The following FAM114A2 variants were observed in gnomAD, a reference collection of about 807,000 sequenced individuals.
The protein encoded by FAM114A2 is family with sequence similarity 114 member A2.
A neutral mutation model predicts 58.4 loss-of-function variants in FAM114A2; 53 were observed. The observed-to-expected ratio is 0.91, with a 90% CI of 0.73 to 1.14. The LOEUF (loss-of-function observed/expected upper bound fraction) is 1.14, where lower values mean the gene tolerates loss of function less well. Ranked by LOEUF, FAM114A2 falls within the 50% of genes most tolerant of loss-of-function variation. The pLI is 0.00. For synonymous variants in FAM114A2, 228 were observed against 211.4 expected, an observed-to-expected ratio of 1.08 and a Z score of -0.68; for missense variants, 601 against 581.1, an observed-to-expected ratio of 1.03 and a Z score of -0.35.
chr5:154,003,329 C>A (rs1461309027), intron 9 of FAM114A2, among the ~76,000 whole-genome samples: 1 of 152,004 alleles, frequency 6.6e-6, no homozygotes, highest in East Asian at 1.9e-4. Context: ...CAGGCGCCCA[C>A]CACCACGCCC....
At chr5:154,011,135 C>G in intron 9 of FAM114A2, 106 bp downstream of exon 9, 1 of 827,724 alleles carries the variant, frequency 1.2e-6, no homozygotes, top group East Asian at 2.5e-5. Flanking sequence ...GAGAATATAC[C>G]TTCGATTTTG....
chr5:154,020,404 G>A (rs939419819), intron 8 of FAM114A2, among the ~76,000 whole-genome samples: 13 of 151,816 alleles, frequency 8.6e-5, no homozygotes, highest in African/African-American at 2.9e-4. Flanking sequence ...CACCATTAGC[G>A]AGACTAACAA....
chr5:154,031,312 C>CAAAAAAAAAAAAA (rs59757780), intron 4 of FAM114A2, among the ~76,000 whole-genome samples: 5,303 of 46,988 alleles, frequency 0.11, 1,550 homozygotes, highest in African/African-American at 0.25. Flanking sequence ...ACTCCCTCTC[C>CAAAAAAAAAAAAA]AAAAAAAAAA....
intron 7 of FAM114A2, among the ~76,000 whole-genome samples, chr5:154,026,910 G>C (rs1771820375): frequency 6.7e-6 from 1 of 149,166 alleles, no homozygotes; most frequent in Non-Finnish European, 1.5e-5. Flanking sequence ...CCAAAACGAA[G>C]GAAAAATAAC....
At chr5:154,038,543 C>T (rs1050939839) in intron 1 of FAM114A2, 1 of 152,202 alleles carries the variant, frequency 6.6e-6, no homozygotes, top group Non-Finnish European at 1.5e-5. Context: ...GGTTTGTATC[C>T]TATCGTTATT....
chr5:154,024,673 A>G (rs574516961), intron 8 of FAM114A2, among the ~76,000 whole-genome samples: 199 of 152,298 alleles, frequency 1.3e-3, no homozygotes, highest in African/African-American at 4.5e-3. Flanking sequence ...CTTAAAAATT[A>G]GTTGCAATGA....
intron 12 of FAM114A2, among the ~76,000 whole-genome samples, chr5:153,996,516 T>G (rs1224861120): frequency 1.3e-5 from 2 of 151,058 alleles, no homozygotes; most frequent in Non-Finnish European, 2.9e-5. Context: ...CTCATGGACT[T>G]GGAGAAATAC....
chr5:153,994,999 G>A (rs748993793), intron 12 of FAM114A2, 27 bp from the exon 13 acceptor site: 8 of 1,529,124 alleles, frequency 5.2e-6, no homozygotes, highest in South Asian at 1.1e-5. Context: ...ATTTTTAAGT[G>A]AGCAGAGTAG....
intron 8 of FAM114A2, among the ~76,000 whole-genome samples, chr5:154,013,365 T>G (rs1257514307): frequency 6.6e-6 from 1 of 152,160 alleles, no homozygotes; most frequent in Non-Finnish European, 1.5e-5. Context: ...CCAGAACCAG[T>G]TTCTATGGTA....
intron 8 of FAM114A2, among the ~76,000 whole-genome samples, chr5:154,011,591 C>T (rs1770704919): frequency 6.6e-6 from 1 of 152,154 alleles, no homozygotes; most frequent in South Asian, 2.1e-4. Flanking sequence ...TAAGTGACTT[C>T]CCCAAGACTG....
At position 154,029,624 on chromosome 5, in the gene FAM114A2, T is replaced by G. The variant is rs1772044682; in HGVS notation, c.404-44A>C. 3 of 1,102,114 alleles carry G rather than the reference T, an allele frequency of 2.7e-6. 1 individual carries two copies. In the South Asian group the frequency reaches 3.8e-5, roughly 14 times the overall value. The allele number at this position is 1,102,114 out of a possible 1,614,324, so 68.3% of individuals were successfully genotyped here. A position where few individuals can be genotyped will look rare whatever the true frequency, so the allele number is the denominator to read the frequency against. On this transcript the variant is annotated intron_variant, in intron 4 of 13. Transcript: ENST00000351797. ...GTGTAAACATGAAGGGAAGGTCCCT[T>G]AACTCTCAGGCTTTATTAGCATCTA... is the stretch of plus-strand genomic sequence containing the variant.
Position 154,029,499 on chromosome 5 carries a change from A to G in FAM114A2, c.485T>C (p.Val162Ala). The G allele has an allele frequency of 6.3e-7, 1 of 1,596,950 alleles. No individual in the cohort carries two copies. Among genetic ancestry groups the G allele is most frequent in the Non-Finnish European group, 8.6e-7 (1 of 1,165,014 alleles). ...FGVFSTISTAVQSTGKSVISG... is the reference protein window; with the variant it reads ...FGVFSTISTAAQSTGKSVISG... Reference sequence around the variant, plus strand: ...CACTTTTTTACTTACTGTGCTCTGAACAGCAGTAGAGATGGTAGAGAATAC... The same window carrying G: ...CACTTTTTTACTTACTGTGCTCTGAGCAGCAGTAGAGATGGTAGAGAATAC... Residue 162 changes from valine to alanine, a missense_variant, in exon 5 of 14, where the codon GTT becomes GCT. Val to Ala is a moderately conservative substitution (Grantham distance 64, BLOSUM62 0). Transcript: ENST00000351797.
intron 4 of FAM114A2, among the ~76,000 whole-genome samples, chr5:154,032,577 A>G (rs1561577353): frequency 1.3e-5 from 2 of 152,310 alleles, no homozygotes; most frequent in East Asian, 3.9e-4. Flanking sequence ...CAAGAACATG[A>G]GATCCTGTTC....
chr5:154,013,990 G>T (rs953120992), intron 8 of FAM114A2, among the ~76,000 whole-genome samples: 2 of 152,204 alleles, frequency 1.3e-5, no homozygotes, highest in South Asian at 2.1e-4. Flanking sequence ...GAAGCTCAAT[G>T]TTAAGTAACT....
intron 9 of FAM114A2, among the ~76,000 whole-genome samples, chr5:154,008,392 C>T (rs1203346865): frequency 6.6e-6 from 1 of 152,052 alleles, no homozygotes; most frequent in Non-Finnish European, 1.5e-5. Flanking sequence ...TTGTAGGTTA[C>T]TTTTGTAGTA....
At chr5:154,011,655 T>G (rs1032602384) in intron 8 of FAM114A2, among the ~76,000 whole-genome samples, 7 of 152,176 alleles carry the variant, frequency 4.6e-5, no homozygotes, top group Non-Finnish European at 1.0e-4. Context: ...GTCCAAACCC[T>G]GTGCTGTGCT....
rs1457920557 is a variant in FAM114A2, at chr5:154,034,841, T to C, written c.113A>G (p.Lys38Arg). 6.2e-7 allele frequency: 1 copy of C among 1,613,918 alleles called. No homozygotes were observed. The highest frequency in any genetic ancestry group is 2.2e-5 in the East Asian group (1 of 44,884). ...TACAGGTTCTGATTTACTCTCTGGT[T>C]TGGCACCTTGGTCAACAGACTCAGA... The part of the protein sequence containing the change: ...KNSESVDQGA[K>R]PESKSEPVVS... The change falls in exon 2 of 14, where the codon AAA becomes AGA. Residue 38 changes from lysine to arginine, a missense_variant. Physicochemically the swap from Lys to Arg is conservative, Grantham distance 26 (BLOSUM62 2). Transcript: ENST00000351797.
chr5:154,003,538 G>C (rs565079353), intron 9 of FAM114A2, among the ~76,000 whole-genome samples: 1 of 152,138 alleles, frequency 6.6e-6, no homozygotes, highest in South Asian at 2.1e-4. Context: ...AATCTTCAGA[G>C]TATGGCTTAA....
chr5:154,033,955 A>G, intron 3 of FAM114A2, 72 bp from the exon 4 acceptor site: 1 of 936,966 alleles, frequency 1.1e-6, no homozygotes, highest in East Asian at 2.5e-5. Context: ...AAACTTGAAG[A>G]TTTTTAAAAT....
Sources: gnomAD v4.1 joint callset for allele counts (sites outside exome capture counted in the v4.1 genomes callset) on GRCh38, gnomAD v4.1.1 for gene constraint, MANE v1.5 for transcripts, NCBI Gene and HGNC (gene_info 2026-07-23, HGNC 2026-07-21) for gene names.